Variants in UNK observed in about 807,000 individuals in gnomAD.
UNK encodes the protein RING finger protein unkempt homolog.
UNK carries 32 observed loss-of-function variants against 97.6 expected under a neutral mutation model. That is an observed-to-expected ratio of 0.33 (90% CI 0.25 to 0.44). The LOEUF (loss-of-function observed/expected upper bound fraction) is 0.44. UNK is among the 20% of genes least tolerant of loss of function. The probability of loss-of-function intolerance (pLI) is 1.00; values close to 1 mark genes in which losing one functional copy is unlikely to be tolerated. For missense variants in UNK, 771 were observed against 1,098.4 expected (o/e 0.70, Z 4.21); for synonymous variants, 441 against 461.2 (o/e 0.96, Z 0.56).
In UNK at chr17:75,818,983, C is replaced by A. The variant is rs777410253; in HGVS notation, c.1546+167C>A. ...CCTTTGAGCTAAAGGGGAAATGACC[C>A]CAAGGTGTAGGGCCAGGACTGACCC... On this transcript the variant is annotated intron_variant, in intron 11 of 15. Coordinates refer to ENST00000589666, the MANE Select transcript of UNK (RefSeq NM_001080419.3). The surrounding 1 kb of genome is among the most constrained non-coding windows in gnomAD (Gnocchi z 5.1). The A allele has an allele frequency of 1.5e-4, 123 of 812,886 alleles. 1 individual carries two copies. Among genetic ancestry groups the A allele is most frequent in the Non-Finnish European group, 2.2e-4 (121 of 543,248 alleles). 50.4% of individuals were successfully genotyped at this position (812,886 alleles called of 1,614,324 possible).
chr17:75,789,407 G>T (rs1363210792), intron 1 of UNK, among the ~76,000 whole-genome samples: 2 of 151,968 alleles, frequency 1.3e-5, no homozygotes, highest in African/African-American at 4.8e-5. Context: ...CGCGATCTCG[G>T]CTCACTGCAA....
intron 1 of UNK, chr17:75,793,553 T>A: frequency 2.0e-6 from 2 of 985,394 alleles, no homozygotes; most frequent in Non-Finnish European, 2.4e-6. Flanking sequence ...TTTTTTCCTG[T>A]TGGTGGCTCA....
chr17:75,817,446 C>T lies in UNK; in HGVS notation c.1225C>T (p.Pro409Ser), dbSNP rs765773353. 38 of 1,613,368 alleles carry T rather than the reference C, an allele frequency of 2.4e-5. No homozygotes were observed. Among genetic ancestry groups the T allele is most frequent in the Non-Finnish European group, 3.1e-5 (36 of 1,179,640 alleles). The change falls in exon 9 of 16, where the codon CCT becomes TCT. Residue 409 changes from proline (P) to serine (S), a missense_variant. Transcript: ENST00000589666. The surrounding 1 kb of genome is among the most constrained non-coding windows in gnomAD (Gnocchi z 5.8). ...CTTCCCTGGGGAGTCTGGCCTGGCC[C>T]CTGGCAGCTATAAGAAGGCTCCCGG... ...IVFPGESGLAPGSYKKAPGFE... is the reference protein window; with the variant it reads ...IVFPGESGLASGSYKKAPGFE...
intron 1 of UNK, among the ~76,000 whole-genome samples, chr17:75,797,591 A>C (rs1004765436): frequency 1.3e-5 from 2 of 152,262 alleles, no homozygotes; most frequent in Non-Finnish European, 2.9e-5. Context: ...TAATAAAATG[A>C]ACATTAGTAG....
chr17:75,817,075 C>T lies in UNK; in HGVS notation c.1104+163C>T, dbSNP rs2062022772. Among the ~76,000 whole-genome samples the T allele has an allele frequency of 6.6e-6, 1 of 152,044 alleles. No homozygotes were observed. The highest frequency in any genetic ancestry group is 2.4e-5 in the African/African-American group (1 of 41,454). On this transcript the variant is annotated intron_variant, in intron 8 of 15. Transcript: ENST00000589666. The surrounding 1 kb of genome is among the most constrained non-coding windows in gnomAD (Gnocchi z 5.8). ...CAGCATTCTTCGTCAAAAGTCCAGG[C>T]CCGGGGGTGGGGTAGGGCAGTCCCC...
In UNK at chr17:75,812,218, A is replaced by C; in HGVS notation, c.421A>C (p.Thr141Pro). 6.2e-7 allele frequency: 1 copy of C among 1,614,036 alleles called. No homozygotes were observed. Among genetic ancestry groups the C allele is most frequent in the Non-Finnish European group, 8.5e-7 (1 of 1,179,902 alleles). ...IHETDSKGNC[T>P]KNGLHCAFAH... is the part of the protein sequence containing the mutation. ...CGAGACAGACTCGAAAGGCAACTGCACCAAAAACGGCCTGCACTGCGCTTT... is the reference window on the plus strand; with the variant it reads ...CGAGACAGACTCGAAAGGCAACTGCCCCAAAAACGGCCTGCACTGCGCTTT... Residue 141 changes from threonine (T) to proline (P), a missense_variant, in exon 3 of 16, where the codon ACC (threonine) becomes CCC (proline). Thr to Pro is a conservative substitution (Grantham distance 38). This residue lies in a region of UNK where 246 missense variants were observed against 440.7 expected (regional missense o/e 0.56). Transcript: ENST00000589666.
chr17:75,812,406 C>T (rs752033246), intron 3 of UNK, 49 bp from the exon 4 acceptor site: 2 of 1,587,910 alleles, frequency 1.3e-6, no homozygotes, highest in Admixed American at 1.7e-5. Context: ...CTGGTTCTTG[C>T]CCCCTCATGC....
In UNK at chr17:75,784,808, A is replaced by G; in HGVS notation, c.-73A>G. 2 of 1,466,686 alleles carry G rather than the reference A, an allele frequency of 1.4e-6. No individual in the cohort carries two copies. Among genetic ancestry groups the G allele is most frequent in the Non-Finnish European group, 1.9e-6 (2 of 1,046,352 alleles). The allele number at this position is 1,466,686 out of a possible 1,614,324, so 90.9% of individuals were successfully genotyped here. ...CGTTCTCGTGGCGCGGCGCAGGCGC[A>G]CTGGGTCCTCGGCGCGGACCGCGCA... On this transcript the variant is annotated 5_prime_UTR_variant, in exon 1 of 16. Transcript: ENST00000589666.
chr17:75,786,708 T>C (rs947285174), intron 1 of UNK, among the ~76,000 whole-genome samples: 1 of 152,134 alleles, frequency 6.6e-6, no homozygotes, highest in South Asian at 2.1e-4. Flanking sequence ...ATACAAAAAA[T>C]TAGCTGGGTG....
chr17:75,813,333 C>A, intron 5 of UNK, 120 bp downstream of exon 5: 4 of 1,373,998 alleles, frequency 2.9e-6, no homozygotes, highest in Non-Finnish European at 3.9e-6. Flanking sequence ...ATGACAGGAT[C>A]GCAAGCCCAG....
chr17:75,788,538 G>C (rs930240626), intron 1 of UNK, among the ~76,000 whole-genome samples: 6 of 152,078 alleles, frequency 3.9e-5, no homozygotes, highest in African/African-American at 1.4e-4. Context: ...ATTTTTAGTA[G>C]AGATGGGGTT....
chr17:75,815,325 G>C (rs375031482), intron 7 of UNK, 72 bp downstream of exon 7: 1 of 1,427,968 alleles, frequency 7.0e-7, no homozygotes. Flanking sequence ...TCAGGCTTAG[G>C]CCGGGGATGG....
Position 75,803,212 on chromosome 17 carries a change from A to G in UNK, c.105-6548A>G, listed in dbSNP as rs138604050. The stretch of plus-strand genomic sequence containing the variant: ...AGGAGATCAAGACCATCGATCTCCC[A>G]ACACGGTGAAACCCCGTCTCTACTA... On this transcript the variant is annotated intron_variant, in intron 1 of 15. Transcript: ENST00000589666. 8.4e-3 allele frequency among the ~76,000 whole-genome samples: 1,143 copies of G among 136,572 alleles called. 5 individuals are homozygous for G. The highest frequency in any genetic ancestry group is 0.016 in the Admixed American group (227 of 14,020). 89.6% of individuals were successfully genotyped at this position (136,572 alleles called of 152,430 possible).
At position 75,817,259 on chromosome 17, in the gene UNK, G is replaced by A; in HGVS notation, c.1105-67G>A. On this transcript the variant is annotated intron_variant, in intron 8 of 15. Transcript: ENST00000589666. The surrounding 1 kb of genome is among the most constrained non-coding windows in gnomAD (Gnocchi z 5.8). ...CTTGAAGACTCCCTCTGGAGAGGGT[G>A]GAGGATGGGCCACGCACCAGCCTGC... 12 of 1,465,338 alleles carry A rather than the reference G, an allele frequency of 8.2e-6. No individual in the cohort carries two copies. The highest frequency in any genetic ancestry group is 1.1e-5 in the Non-Finnish European group (12 of 1,095,874). The allele number at this position is 1,465,338 out of a possible 1,614,324, so 90.8% of individuals were successfully genotyped here. A position where few individuals can be genotyped will look rare whatever the true frequency, so the allele number is the denominator to read the frequency against.
intron 15 of UNK, among the ~76,000 whole-genome samples, chr17:75,823,938 C>G (rs1034409629): frequency 6.6e-6 from 1 of 152,224 alleles, no homozygotes; most frequent in East Asian, 1.9e-4. Context: ...TTCCTCTGTT[C>G]TCGGGCAGCC....
rs375085499 is a variant in UNK, at chr17:75,805,682, C to T, written c.105-4078C>T. On this transcript the variant is annotated intron_variant, in intron 1 of 15. Coordinates refer to ENST00000589666, the MANE Select transcript of UNK (RefSeq NM_001080419.3). ...GGCATGGGGGCACGCGCCTATAGTC[C>T]AGCTACTCCAGAGGCTGAGGTGGGA... 1.3e-4 allele frequency among the ~76,000 whole-genome samples: 19 copies of T among 151,784 alleles called. No individual in the cohort carries two copies. In the South Asian group the frequency reaches 4.0e-3, roughly 32 times the overall value.
At chr17:75,786,670 A>G (rs548976381) in intron 1 of UNK, among the ~76,000 whole-genome samples, 2 of 152,280 alleles carry the variant, frequency 1.3e-5, no homozygotes, top group African/African-American at 4.8e-5. Flanking sequence ...AGCCTGCCCA[A>G]TATGGCAAAA....
chr17:75,800,387 G>T (rs1288163042), intron 1 of UNK, among the ~76,000 whole-genome samples: 1 of 150,816 alleles, frequency 6.6e-6, no homozygotes, highest in Non-Finnish European at 1.5e-5. Context: ...TTTTTTCAAT[G>T]GTTGAAAAGA....
rs56221993 is a variant in UNK at position 75,802,242 on chromosome 17, C to CTTTTTTTTTTT, written c.105-7494_105-7484dup. ...TGATGGATTTTTTCAGCACAGATGT[C>CTTTTTTTTTTT]TTTTTTTTTTTTTTTTTTTTTTTTT... is the stretch of plus-strand genomic sequence containing the variant. On this transcript the variant is annotated intron_variant, in intron 1 of 15. Coordinates refer to ENST00000589666, the MANE Select transcript of UNK (RefSeq NM_001080419.3). Among the ~76,000 whole-genome samples the CTTTTTTTTTTT allele has an allele frequency of 4.2e-4, 20 of 47,260 alleles. 5 individuals are homozygous for CTTTTTTTTTTT. Among genetic ancestry groups the CTTTTTTTTTTT allele is most frequent in the East Asian group, 2.7e-3 (3 of 1,094 alleles). The allele number at this position is 47,260 out of a possible 152,430, so 31.0% of individuals were successfully genotyped here.
Sources: allele counts gnomAD v4.1 joint callset (sites outside exome capture counted in the v4.1 genomes callset), GRCh38; gene constraint gnomAD v4.1.1; regional missense constraint gnomAD v4.1.1; non-coding constraint Gnocchi (gnomAD v3.1); transcripts MANE v1.5; gene names NCBI Gene and HGNC (gene_info 2026-07-23, HGNC 2026-07-21).